The following TSPOAP1 variants were observed in gnomAD, a reference collection of about 807,000 sequenced individuals.
TSPOAP1 encodes the protein peripheral-type benzodiazepine receptor-associated protein 1.
TSPOAP1 carries 87 observed loss-of-function variants against 197.0 expected under a neutral mutation model. That is an observed-to-expected ratio of 0.44 (90% confidence interval 0.37 to 0.53). The LOEUF (loss-of-function observed/expected upper bound fraction) is 0.53. TSPOAP1 is among the 20% of genes least tolerant of loss of function. The pLI is 0.00. For synonymous variants in TSPOAP1, 913 were observed against 998.9 expected (o/e 0.91, Z 1.62); for missense variants, 2,174 against 2,411.3 (o/e 0.90, Z 2.06).
Position 58,309,124 on chromosome 17 carries a change from G to A in TSPOAP1, c.4148C>T (p.Ser1383Phe), listed in dbSNP as rs1971002939. The change falls in exon 22 of 32, where the codon TCT (serine) becomes TTT (phenylalanine). Residue 1383 changes from serine to phenylalanine, a missense_variant. By Grantham distance (155) the Ser-to-Phe change is radical (BLOSUM62 -2). Coordinates refer to ENST00000343736, the MANE Select transcript of TSPOAP1 (RefSeq NM_004758.4). This position sits in a 1 kb window ranked among gnomAD's most constrained non-coding sequence, Gnocchi z 5.0. ...QPRRPGQCPLSPESSRAGDCL... is the reference protein window; with the variant it reads ...QPRRPGQCPLFPESSRAGDCL... ...GTCTCCAGCCCTGGAGGACTCAGGA[G>A]ACAAGGGACACTGGCCAGGTCTTCG... The A allele has an allele frequency of 6.2e-7, 1 of 1,613,872 alleles. No homozygotes were observed. Among genetic ancestry groups the A allele is most frequent in the East Asian group, 2.2e-5 (1 of 44,882 alleles).
Position 58,322,332 on chromosome 17 carries a change from C to T in TSPOAP1, c.1398G>A (p.Gln466=), listed in dbSNP as rs770323291. 7 of 1,604,450 alleles carry T rather than the reference C, an allele frequency of 4.4e-6. No homozygotes were observed. The South Asian group carries it at 7.7e-5, about 18-fold the overall frequency. ...EQARLSLREK[Q]EEVRRLQQAQ... is the part of the protein sequence containing the mutation. ...CCTGCTGCAGTCTCCGGACCTCCTC[C>T]TGCTTCTCCCGTAGGCTGAGCCGAG... is the stretch of plus-strand genomic sequence containing the variant. The change falls in exon 10 of 32, where the codon CAG becomes CAA. Residue 466 remains glutamine, a synonymous_variant. Transcript: ENST00000343736. The surrounding 1 kb of genome is among the most constrained non-coding windows in gnomAD (Gnocchi z 5.0).
chr17:58,305,344 G>T (rs777167245), intron 29 of TSPOAP1, 43 bp downstream of exon 29: 48 of 1,603,956 alleles, frequency 3.0e-5, no homozygotes, highest in Non-Finnish European at 3.9e-5. Flanking sequence ...TCCGAAGTCT[G>T]GGGGGCTGGG....
chr17:58,316,714 G>A (rs1453523168), intron 14 of TSPOAP1, among the ~76,000 whole-genome samples, 174 bp from the exon 15 acceptor site: 3 of 152,254 alleles, frequency 2.0e-5, no homozygotes, highest in African/African-American at 7.2e-5. Context: ...ATTAGTGCCT[G>A]AGAGAGCAGG....
chr17:58,306,652 C>A, intron 25 of TSPOAP1, 148 bp downstream of exon 25: 1 of 1,080,016 alleles, frequency 9.3e-7, no homozygotes. Context: ...TACAGTCTGA[C>A]CACTACGCAG....
chr17:58,312,338 T>C lies in TSPOAP1; in HGVS notation c.2483A>G (p.Asn828Ser). 1 of 1,612,568 alleles carries C rather than the reference T, an allele frequency of 6.2e-7. No homozygotes were observed. Among genetic ancestry groups the C allele is most frequent in the South Asian group, 1.1e-5 (1 of 91,004 alleles). The change falls in exon 17 of 32, where the codon AAT (asparagine) becomes AGT (serine). Residue 828 changes from asparagine to serine, a missense_variant. Physicochemically the swap from Asn to Ser is conservative, Grantham distance 46 (BLOSUM62 1). Around this residue, in one of 5 missense-constraint regions of TSPOAP1, gnomAD observed 1,933 missense variants for 2,139.0 expected, o/e 0.90. Transcript: ENST00000343736. ...VELHGFHICV[N>S]GELRQALGPG... ...CCCCAGGGCCTGTCGCAGCTCCCCA[T>C]TCACACAGATATGGAAGCCGTGTAG...
Position 58,312,624 on chromosome 17 carries a change from C to G in TSPOAP1, c.2197G>C (p.Asp733His). Residue 733 changes from aspartate to histidine, a missense_variant, in exon 17 of 32, where the codon GAT becomes CAT. Asp to His is a moderately conservative substitution (Grantham distance 81). Transcript: ENST00000343736. ...LLTSLPPELA[D>H]LSHSSGPELS... ...TCAGGGCCTGAGCTGTGGGACAAAT[C>G]GGCCAGCTCTGGAGGGAGGGAGGTC... The G allele has an allele frequency of 2.5e-6, 4 of 1,613,824 alleles. No individual in the cohort carries two copies. The highest frequency in any genetic ancestry group is 1.7e-6 in the Non-Finnish European group (2 of 1,179,990).
chr17:58,309,367 G>T lies in TSPOAP1; in HGVS notation c.3905C>A (p.Pro1302His). 6.2e-7 allele frequency: 1 copy of T among 1,610,154 alleles called. No homozygotes were observed. The highest frequency in any genetic ancestry group is 1.1e-5 in the South Asian group (1 of 90,924). ...RENGAKSQPDPFCETDSDEEI... is the reference protein window; with the variant it reads ...RENGAKSQPDHFCETDSDEEI... Reference sequence around the variant, plus strand: ...CTCATCGCTGTCAGTCTCACAAAAGGGGTCGGGCTGGGACTGGTGGAGGTG... The same window carrying T: ...CTCATCGCTGTCAGTCTCACAAAAGTGGTCGGGCTGGGACTGGTGGAGGTG... Residue 1302 changes from proline (P) to histidine (H), a missense_variant, in exon 22 of 32, where the codon CCC becomes CAC. Transcript: ENST00000343736. The surrounding 1 kb of genome is among the most constrained non-coding windows in gnomAD (Gnocchi z 5.0).
Position 58,316,019 on chromosome 17 carries a change from C to T in TSPOAP1, c.2098+4G>A. 1.2e-6 allele frequency: 2 copies of T among 1,610,526 alleles called. No homozygotes were observed. The highest frequency in any genetic ancestry group is 1.7e-6 in the Non-Finnish European group (2 of 1,176,908). Reference sequence around the variant, plus strand: ...GACAGAATGACCCCCCACTACATTCCTACCTTCAAAAAAGCCATCCTCATC... The same window carrying T: ...GACAGAATGACCCCCCACTACATTCTTACCTTCAAAAAAGCCATCCTCATC... On this transcript the variant is annotated splice_donor_region_variant and intron_variant, in intron 16 of 31. Transcript: ENST00000343736.
rs771174582 is a variant in TSPOAP1, at chr17:58,325,725, A to G, written c.571-12T>C. The G allele has an allele frequency of 3.1e-6, 5 of 1,596,954 alleles. No individual in the cohort carries two copies. The South Asian group carries it at 4.5e-5, about 14-fold the overall frequency. The stretch of plus-strand genomic sequence containing the variant: ...AAGGGGGCACTCACCTAGCCAGAGG[A>G]GGGGTAAGGCCAATGGTCACCTGAG... On this transcript the variant is annotated splice_polypyrimidine_tract_variant and intron_variant, in intron 3 of 31. Coordinates refer to ENST00000343736, the MANE Select transcript of TSPOAP1 (RefSeq NM_004758.4).
chr17:58,305,333 G>C, intron 29 of TSPOAP1, 54 bp downstream of exon 29: 1 of 1,597,062 alleles, frequency 6.3e-7, no homozygotes, highest in Non-Finnish European at 8.6e-7. Flanking sequence ...CTATCCCCCT[G>C]TCCGAAGTCT....
rs761142368 is a variant in TSPOAP1 at position 58,308,657 on chromosome 17, G to T, written c.4615C>A (p.Pro1539Thr). The change falls in exon 22 of 32, where the codon CCT becomes ACT. Residue 1539 changes from proline to threonine, a missense_variant. Physicochemically the swap from Pro to Thr is conservative, Grantham distance 38. Transcript: ENST00000343736. ...GTATVGRPRGPPKANSGPKPY... is the reference protein window; with the variant it reads ...GTATVGRPRGTPKANSGPKPY... The stretch of plus-strand genomic sequence containing the variant: ...TTGGGGCCTGAATTGGCCTTCGGAG[G>T]CCCCCTGGGCCTTCCTACAGTTGCT... 1.2e-6 allele frequency: 2 copies of T among 1,609,982 alleles called. No individual in the cohort carries two copies. Among genetic ancestry groups the T allele is most frequent in the South Asian group, 2.2e-5 (2 of 90,958 alleles).
chr17:58,316,856 G>A (rs530781727), intron 14 of TSPOAP1, among the ~76,000 whole-genome samples: 1 of 152,360 alleles, frequency 6.6e-6, no homozygotes, highest in East Asian at 1.9e-4. Context: ...ATGCTGGTGT[G>A]GGGAGTGGGT....
At chr17:58,310,444 C>T (rs369974334) in intron 20 of TSPOAP1, 68 bp downstream of exon 20, 26 of 1,581,366 alleles carry the variant, frequency 1.6e-5, no homozygotes, top group East Asian at 1.1e-4. Flanking sequence ...ACTGGATTTG[C>T]GCTGGCAAAA....
chr17:58,306,838 C>T lies in TSPOAP1; in HGVS notation c.5114G>A (p.Arg1705Gln), dbSNP rs776661005. The change falls in exon 25 of 32, where the codon CGG (arginine) becomes CAG (glutamine). Residue 1705 changes from arginine (R) to glutamine (Q), a missense_variant. Physicochemically the swap from Arg to Gln is conservative, Grantham distance 43. Coordinates refer to ENST00000343736, the MANE Select transcript of TSPOAP1 (RefSeq NM_004758.4). ...SPAGRQQLLQ[R>Q]GYLSPDILLE... Reference sequence around the variant, plus strand: ...GAGAATATCTGGGGACAAATAACCCCGCTGGAGCAGTTGCTGTCTCCCAGC... The same window carrying T: ...GAGAATATCTGGGGACAAATAACCCTGCTGGAGCAGTTGCTGTCTCCCAGC... The T allele has an allele frequency of 1.8e-5, 29 of 1,613,724 alleles. No homozygotes were observed. Among genetic ancestry groups the T allele is most frequent in the Middle Eastern group, 1.6e-4 (1 of 6,082 alleles).
In TSPOAP1 at chr17:58,322,986, G is replaced by A. The variant is rs937236228; in HGVS notation, c.1158C>T (p.Asn386=). The A allele has an allele frequency of 1.2e-5, 20 of 1,611,696 alleles. No individual in the cohort carries two copies. Among genetic ancestry groups the A allele is most frequent in the Admixed American group, 1.7e-5 (1 of 59,540 alleles). ...QNENARLVEE[N]SRLSGRATEK... ...CTGTGGCTCTCCCACTGAGCCGGGA[G>A]TTCTCCTCCACCAGGCGGGCATTCT... Residue 386 remains asparagine (N), a synonymous_variant, in exon 8 of 32, where the codon AAC becomes AAT. Coordinates refer to ENST00000343736, the MANE Select transcript of TSPOAP1 (RefSeq NM_004758.4). This position sits in a 1 kb window ranked among gnomAD's most constrained non-coding sequence, Gnocchi z 5.0.
chr17:58,328,067 C>T lies in TSPOAP1; in HGVS notation c.-147G>A, dbSNP rs1292729688. 29 of 748,630 alleles carry T rather than the reference C, an allele frequency of 3.9e-5. No individual in the cohort carries two copies. The South Asian group carries it at 5.1e-4, about 13-fold the overall frequency. 46.4% of individuals were successfully genotyped at this position (748,630 alleles called of 1,614,324 possible). A position where few individuals can be genotyped will look rare whatever the true frequency, so the allele number is the denominator to read the frequency against. On this transcript the variant is annotated 5_prime_UTR_variant, in exon 1 of 32. Coordinates refer to ENST00000343736, the MANE Select transcript of TSPOAP1 (RefSeq NM_004758.4). This position sits in a 1 kb window ranked among gnomAD's most constrained non-coding sequence, Gnocchi z 4.3. ...CATCCAAGGTTGGCTGAGCTCTTCC[C>T]CACCCACAAAGGAGGCTGCAGAAGG...
rs1165561991 is a variant in TSPOAP1, at chr17:58,310,666, G to A, written c.3545C>T (p.Ala1182Val). The A allele has an allele frequency of 2.5e-6, 4 of 1,612,924 alleles. No individual in the cohort carries two copies. The highest frequency in any genetic ancestry group is 3.4e-6 in the Non-Finnish European group (4 of 1,179,944). The change falls in exon 20 of 32, where the codon GCA becomes GTA. Residue 1182 changes from alanine to valine, a missense_variant. By Grantham distance (64) the Ala-to-Val change is moderately conservative (BLOSUM62 0). This residue lies in a region of TSPOAP1 where 1,933 missense variants were observed against 2,139.0 expected (regional missense o/e 0.90). Coordinates refer to ENST00000343736, the MANE Select transcript of TSPOAP1 (RefSeq NM_004758.4). ...CTCCTGCTTGGCCAGTGAGGGAGCT[G>A]CGGGGCCAGGGTCCTTCTCACCCAG... ...STLGEKDPGP[A>V]APSLAKQEAE...
chr17:58,324,038 C>T lies in TSPOAP1; in HGVS notation c.943-493G>A, dbSNP rs549679008. Among the ~76,000 whole-genome samples, 25 of 152,326 alleles carry T rather than the reference C, an allele frequency of 1.6e-4. No homozygotes were observed. In the South Asian group the frequency reaches 2.9e-3, roughly 18 times the overall value. On this transcript the variant is annotated intron_variant, in intron 5 of 31. Coordinates refer to ENST00000343736, the MANE Select transcript of TSPOAP1 (RefSeq NM_004758.4). The surrounding 1 kb of genome is among the most constrained non-coding windows in gnomAD (Gnocchi z 5.8). ...ACCCTTCTCCTGGCTTCCCCCAAGC[C>T]CACCCTACCACACCTTCCGATTATC...
At position 58,309,821 on chromosome 17, in the gene TSPOAP1, TC is replaced by T; in HGVS notation, c.3891+145del. 1.8e-6 allele frequency: 2 copies of T among 1,112,898 alleles called. No homozygotes were observed. The highest frequency in any genetic ancestry group is 2.5e-6 in the Non-Finnish European group (2 of 788,908). 68.9% of individuals were successfully genotyped at this position (1,112,898 alleles called of 1,614,324 possible). On this transcript the variant is annotated intron_variant, in intron 21 of 31. Coordinates refer to ENST00000343736, the MANE Select transcript of TSPOAP1 (RefSeq NM_004758.4). This position sits in a 1 kb window ranked among gnomAD's most constrained non-coding sequence, Gnocchi z 5.0. ...GGGCAGGGGCCAATCCTGGGGCACT[TC>T]CTATCTTCTGCTTAGGACAGGGCCC...
Sources: allele counts gnomAD v4.1 joint callset (sites outside exome capture counted in the v4.1 genomes callset), GRCh38; gene constraint gnomAD v4.1.1; regional missense constraint gnomAD v4.1.1; non-coding constraint Gnocchi (gnomAD v3.1); transcripts MANE v1.5; gene names NCBI Gene and HGNC (gene_info 2026-07-23, HGNC 2026-07-21).